The following TRIQK variants were observed in gnomAD, a reference collection of about 807,000 sequenced individuals.
TRIQK encodes the protein triple QxxK/R motif containing.
In TRIQK, 10 loss-of-function variants were observed where a neutral mutation model predicts 10.8. The ratio of observed to expected loss-of-function variants is 0.92; its 90% CI spans 0.57 to 1.57. The LOEUF is 1.57. Ranked by LOEUF, TRIQK falls within the 40% of genes most tolerant of loss-of-function variation. The pLI is 0.00. For missense variants in TRIQK, 107 were observed against 97.7 expected (o/e 1.09, Z -0.40); for synonymous variants, 33 against 33.7 (o/e 0.98, Z 0.07).
intron 2 of TRIQK, among the ~76,000 whole-genome samples, chr8:92,946,505 T>C (rs1252975263): frequency 6.6e-6 from 1 of 152,102 alleles, no homozygotes; most frequent in Non-Finnish European, 1.5e-5. Context: ...AAAATGAATG[T>C]AATAAAAAGG....
At chr8:92,968,628 A>T (rs754311811), upstream of TRIQK, among the ~76,000 whole-genome samples, 2 of 151,962 alleles carry the variant, frequency 1.3e-5, no homozygotes, top group Non-Finnish European at 2.9e-5. Context: ...CATATCCTTC[A>T]CCCACTTTTT....
intron 3 of TRIQK, among the ~76,000 whole-genome samples, chr8:92,911,633 A>C (rs1809571153): frequency 6.6e-6 from 1 of 151,460 alleles, no homozygotes; most frequent in Non-Finnish European, 1.5e-5. Flanking sequence ...AGCTATACTT[A>C]TATCTGACTA....
intron 4 of TRIQK, 151 bp downstream of exon 4, chr8:92,891,838 T>A: frequency 1.7e-6 from 1 of 585,174 alleles, no homozygotes; most frequent in Non-Finnish European, 2.9e-6. Flanking sequence ...TTCCATTAAG[T>A]AAATTCTTTA....
chr8:92,918,901 T>C (rs1428470214), intron 2 of TRIQK, among the ~76,000 whole-genome samples: 2 of 151,846 alleles, frequency 1.3e-5, no homozygotes, highest in Non-Finnish European at 2.9e-5. Flanking sequence ...TTTTTGTATA[T>C]GATGAAAGAT....
chr8:92,929,254 G>A (rs771299904), intron 2 of TRIQK, among the ~76,000 whole-genome samples: 15 of 152,236 alleles, frequency 9.9e-5, no homozygotes, highest in Admixed American at 2.0e-4. Context: ...CAAATATTGC[G>A]TTAGACAGAT....
chr8:92,898,033 G>A (rs1808700568), intron 3 of TRIQK, among the ~76,000 whole-genome samples: 1 of 151,826 alleles, frequency 6.6e-6, no homozygotes, highest in Admixed American at 6.6e-5. Context: ...AAATTCTATG[G>A]GCATGTTGTT....
At chr8:92,899,776 G>A (rs1397006607) in intron 3 of TRIQK, among the ~76,000 whole-genome samples, 1 of 152,092 alleles carries the variant, frequency 6.6e-6, no homozygotes, top group Non-Finnish European at 1.5e-5. Flanking sequence ...TAGCAGTAGG[G>A]TTGCTGGATC....
intron 1 of TRIQK, among the ~76,000 whole-genome samples, chr8:92,959,959 G>A (rs925486160): frequency 6.6e-6 from 1 of 152,036 alleles, no homozygotes; most frequent in Non-Finnish European, 1.5e-5. Context: ...GAAGTCTGAG[G>A]CCAGCCTAAT....
chr8:92,979,010 A>G (rs2130742540), intron 1 of TRIQK, among the ~76,000 whole-genome samples: 1 of 152,242 alleles, frequency 6.6e-6, no homozygotes, highest in South Asian at 2.1e-4. Flanking sequence ...TGATTTTCTC[A>G]TGTCAAAAAT....
At chr8:92,968,331 T>G (rs934188418), upstream of TRIQK, among the ~76,000 whole-genome samples, 1 of 152,192 alleles carries the variant, frequency 6.6e-6, no homozygotes. Flanking sequence ...ATGGAATTCC[T>G]GGGTCAAATG....
intron 2 of TRIQK, among the ~76,000 whole-genome samples, chr8:92,950,974 G>T (rs118070822): frequency 0.027 from 4,071 of 152,102 alleles, 74 homozygotes; most frequent in Non-Finnish European, 0.04. Context: ...ACATAAAATG[G>T]TGTAGCATTT....
chr8:92,907,525 A>C (rs1809338798), intron 3 of TRIQK, among the ~76,000 whole-genome samples: 1 of 152,220 alleles, frequency 6.6e-6, no homozygotes, highest in South Asian at 2.1e-4. Context: ...ATGAGTATTA[A>C]CTAAAAGCAA....
chr8:92,993,491 T>G (rs1271378401), intron 1 of TRIQK, among the ~76,000 whole-genome samples: 5 of 152,166 alleles, frequency 3.3e-5, no homozygotes, highest in Non-Finnish European at 1.5e-5. Context: ...ATACACAGGC[T>G]AATAAGTTCA....
chr8:92,889,309 T>C (rs1816644512), intron 4 of TRIQK, among the ~76,000 whole-genome samples: 2 of 151,646 alleles, frequency 1.3e-5, no homozygotes, highest in South Asian at 4.1e-4. Context: ...ATTAAATCTA[T>C]AAGTGATTTC....
rs796959876 is a variant in TRIQK, at chr8:92,964,608, T to TAA, written c.-181+1397_-181+1398dup. On this transcript the variant is annotated intron_variant, in intron 1 of 4. Coordinates refer to ENST00000521988, the MANE Select transcript of TRIQK (RefSeq NM_001171797.2). ...CCCCATTTCTAAATAACCCTAAGAT[T>TAA]AAAAAAAAAAAAAATCACAAGGGAA... 4.1e-3 allele frequency among the ~76,000 whole-genome samples: 570 copies of TAA among 138,366 alleles called. 6 individuals are homozygous for TAA. Among genetic ancestry groups the TAA allele is most frequent in the African/African-American group, 0.014 (534 of 38,616 alleles). 90.8% of individuals were successfully genotyped at this position (138,366 alleles called of 152,430 possible).
At chr8:92,945,407 T>C (rs1392461687) in intron 2 of TRIQK, among the ~76,000 whole-genome samples, 1 of 152,136 alleles carries the variant, frequency 6.6e-6, no homozygotes, top group Non-Finnish European at 1.5e-5. Flanking sequence ...TCCCCAACAA[T>C]TGCCTACTGG....
chr8:92,909,701 A>G (rs1035319360), intron 3 of TRIQK, among the ~76,000 whole-genome samples: 7 of 151,796 alleles, frequency 4.6e-5, no homozygotes, highest in African/African-American at 1.7e-4. Context: ...AATTTCCAAG[A>G]AAATTCATAT....
At chr8:92,961,550 C>G (rs1812455704) in intron 1 of TRIQK, among the ~76,000 whole-genome samples, 1 of 152,164 alleles carries the variant, frequency 6.6e-6, no homozygotes, top group African/African-American at 2.4e-5. Flanking sequence ...TAATACCCAA[C>G]AAAGGATATT....
chr8:92,893,849 CG>C (rs111910456), intron 3 of TRIQK, among the ~76,000 whole-genome samples: 6 of 98,712 alleles, frequency 6.1e-5, no homozygotes, highest in Non-Finnish European at 1.0e-4. Flanking sequence ...GATGCTATGG[CG>C]GGGGGTGGGG....
Sources: allele counts gnomAD v4.1 joint callset (sites outside exome capture counted in the v4.1 genomes callset), GRCh38; gene constraint gnomAD v4.1.1; transcripts MANE v1.5; gene names NCBI Gene and HGNC (gene_info 2026-07-23, HGNC 2026-07-21).